Variants in TSPEAR observed in about 807,000 individuals in gnomAD.
TSPEAR encodes thrombospondin-type laminin G domain and EAR repeat-containing protein.
Under a neutral mutation model 71.6 loss-of-function variants are expected in TSPEAR, and 69 were observed. The observed-to-expected ratio is 0.96, with a 90% CI of 0.79 to 1.18. The LOEUF (loss-of-function observed/expected upper bound fraction) is 1.18, where lower values mean the gene tolerates loss of function less well. Among genes scored for constraint, TSPEAR ranks in the 50% most tolerant of loss-of-function variants. The pLI is 0.00. For missense variants in TSPEAR, 971 were observed against 894.9 expected (o/e 1.09, Z -1.09); for synonymous variants, 402 against 387.2 (o/e 1.04, Z -0.45).
At position 44,567,982 on chromosome 21, in the gene TSPEAR, C is replaced by T. The variant is rs1435628494; in HGVS notation, c.106G>A (p.Ala36Thr). 5 of 1,547,376 alleles carry T rather than the reference C, an allele frequency of 3.2e-6. No homozygotes were observed. The highest frequency in any genetic ancestry group is 4.4e-6 in the Non-Finnish European group (5 of 1,141,800). ...CTDLRPLDIL[A>T]EVVPSDGATS... ...GCGCCATCAGAAGGGACCACTTCCG[C>T]CAGGATGTCCAGGGGGCGCAGGTCT... The change falls in exon 2 of 12, where the codon GCG (alanine) becomes ACG (threonine). Residue 36 changes from alanine to threonine, a missense_variant. By Grantham distance (58) the Ala-to-Thr change is moderately conservative (BLOSUM62 0). Transcript: ENST00000323084.
chr21:44,683,058 C>T (rs1986686658), intron 1 of TSPEAR, among the ~76,000 whole-genome samples: 1 of 151,998 alleles, frequency 6.6e-6, no homozygotes, highest in African/African-American at 2.4e-5. Context: ...CAGCCGAGAC[C>T]CCCTACAGCC....
chr21:44,575,039 C>G (rs1431258329), intron 1 of TSPEAR: 2 of 1,578,350 alleles, frequency 1.3e-6, no homozygotes, highest in African/African-American at 2.7e-5. Context: ...GGACACGCCC[C>G]CCAGTGCCAG....
rs147543723 is a variant in TSPEAR at position 44,573,434 on chromosome 21, G to A, written c.83-5429C>T. On this transcript the variant is annotated intron_variant, in intron 1 of 11. Coordinates refer to ENST00000323084, the MANE Select transcript of TSPEAR (RefSeq NM_144991.3). ...ACACGTGGACCATGCCACCCTCCAC[G>A]TGCGCCTGGGGAGCAAAGCAGCACA... Among the ~76,000 whole-genome samples, 111 of 152,168 alleles carry A rather than the reference G, an allele frequency of 7.3e-4. 1 individual carries two copies. The East Asian group carries it at 0.017, about 23-fold the overall frequency.
intron 1 of TSPEAR, among the ~76,000 whole-genome samples, chr21:44,662,846 G>A (rs1226340229): frequency 7.9e-5 from 12 of 152,016 alleles, no homozygotes; most frequent in Non-Finnish European, 1.2e-4. Context: ...TAAAGTAACC[G>A]ACACACTTCT....
At chr21:44,574,705 G>A (rs782062804) in intron 1 of TSPEAR, 1 of 1,592,610 alleles carries the variant, frequency 6.3e-7, no homozygotes, top group African/African-American at 1.4e-5. Flanking sequence ...AGCCAGCAGG[G>A]CTGCTGCGTG....
chr21:44,509,772 G>T, intron 9 of TSPEAR: 1 of 244,396 alleles, frequency 4.1e-6, no homozygotes, highest in Non-Finnish European at 8.1e-6. Flanking sequence ...TGCCCCTAGC[G>T]ACCATCTGTG....
Position 44,602,572 on chromosome 21 carries a change from C to T in TSPEAR, c.83-34567G>A, listed in dbSNP as rs185488101. 1.9e-3 allele frequency among the ~76,000 whole-genome samples: 282 copies of T among 152,346 alleles called. 1 individual carries two copies. Among genetic ancestry groups the T allele is most frequent in the Middle Eastern group, 6.8e-3 (2 of 294 alleles). ...ACTGGGATTTCCGAGGGGCTCCCCC[C>T]GGCCCCGCCTCACTGGGCCTGAGCT... is the stretch of plus-strand genomic sequence containing the variant. On this transcript the variant is annotated intron_variant, in intron 1 of 11. Transcript: ENST00000323084.
In TSPEAR at chr21:44,711,040, T is replaced by A. The variant is rs1555953495; in HGVS notation, c.82+393A>T. On this transcript the variant is annotated intron_variant, in intron 1 of 11. Transcript: ENST00000323084. The surrounding 1 kb of genome is among the most constrained non-coding windows in gnomAD (Gnocchi z 4.5). ...GCAGGCTGGGGGCACCTCCACCAGC[T>A]AAGGAAATGGCTCGTGCACAGTAGC... Among the ~76,000 whole-genome samples, 1 of 152,176 alleles carries A rather than the reference T, an allele frequency of 6.6e-6. No individual in the cohort carries two copies. Among genetic ancestry groups the A allele is most frequent in the Non-Finnish European group, 1.5e-5 (1 of 68,004 alleles).
chr21:44,589,298 C>T (rs587721414), intron 1 of TSPEAR, among the ~76,000 whole-genome samples: 63 of 152,312 alleles, frequency 4.1e-4, no homozygotes, highest in African/African-American at 1.3e-3. Flanking sequence ...ATATTCCCCA[C>T]GGGAATGGGC....
chr21:44,515,908 T>C (rs2052551840), intron 9 of TSPEAR: 1 of 152,236 alleles, frequency 6.6e-6, no homozygotes, highest in Non-Finnish European at 1.5e-5. Context: ...CCCACCATGG[T>C]GTGAGGCGTC....
rs1601308615 is a variant in TSPEAR at position 44,499,908 on chromosome 21, C to A, written c.1885G>T (p.Val629Leu). The change falls in exon 12 of 12, where the codon GTG (valine) becomes TTG (leucine). Residue 629 changes from valine (V) to leucine (L), a missense_variant. Coordinates refer to ENST00000323084, the MANE Select transcript of TSPEAR (RefSeq NM_144991.3). ...RWQGYEGFVA[V>L]HSLPTVGCRD... ...CAGCCGACGGTGGGGAGGCTGTGCA[C>A]CGCCACGAAGCCCTCGTAGCCCTGC... is the stretch of plus-strand genomic sequence containing the variant. The A allele has an allele frequency of 1.2e-6, 2 of 1,608,202 alleles. No homozygotes were observed. Among genetic ancestry groups the A allele is most frequent in the Non-Finnish European group, 1.7e-6 (2 of 1,178,294 alleles).
intron 1 of TSPEAR, among the ~76,000 whole-genome samples, chr21:44,653,050 C>T (rs59256622): frequency 6.6e-6 from 1 of 151,902 alleles, no homozygotes; most frequent in African/African-American, 2.4e-5. Context: ...CCCAGATACT[C>T]GGGAGGCTGA....
chr21:44,707,908 C>T (rs1338077452), intron 1 of TSPEAR, among the ~76,000 whole-genome samples: 2 of 152,002 alleles, frequency 1.3e-5, no homozygotes, highest in African/African-American at 4.8e-5. Context: ...GTCCCTCAGC[C>T]TCGGTCCCCC....
intron 2 of TSPEAR, among the ~76,000 whole-genome samples, chr21:44,540,372 G>C (rs997277036): frequency 1.3e-5 from 2 of 152,096 alleles, no homozygotes; most frequent in Non-Finnish European, 2.9e-5. Context: ...CCTGTGATGT[G>C]GCCCAGGTCA....
At chr21:44,518,199 TTC>T (rs1463288020) in intron 9 of TSPEAR, 3 of 402,738 alleles carry the variant, frequency 7.4e-6, no homozygotes, top group African/African-American at 4.2e-5. Context: ...AAAAATTCCT[TTC>T]TGTTTCTAGA....
chr21:44,631,555 T>C (rs1456132298), intron 1 of TSPEAR, among the ~76,000 whole-genome samples: 1 of 151,986 alleles, frequency 6.6e-6, no homozygotes, highest in Non-Finnish European at 1.5e-5. Context: ...CTGTCTCTAC[T>C]AAAAATAAAA....
chr21:44,590,444 G>T (rs587734535), intron 1 of TSPEAR, among the ~76,000 whole-genome samples: 3 of 152,218 alleles, frequency 2.0e-5, no homozygotes, highest in Admixed American at 1.3e-4. Flanking sequence ...AGGCGAGGCC[G>T]CATGGGGCAG....
In TSPEAR at chr21:44,533,744, G is replaced by A; in HGVS notation, c.483C>T (p.Val161=). 6.2e-7 allele frequency: 1 copy of A among 1,612,440 alleles called. No homozygotes were observed. The highest frequency in any genetic ancestry group is 8.5e-7 in the Non-Finnish European group (1 of 1,179,872). The change falls in exon 3 of 12, where the codon GTC becomes GTT. Residue 161 remains valine (V), a synonymous_variant. Coordinates refer to ENST00000323084, the MANE Select transcript of TSPEAR (RefSeq NM_144991.3). ...ALVDGRWHTL[V]LAVSAGVFSL... is the part of the protein sequence containing the mutation. ...AGAAGACGCCTGCGGACACAGCCAG[G>A]ACCAGTGTGTGCCAGCGGCCATCCA... is the stretch of plus-strand genomic sequence containing the variant.
intron 2 of TSPEAR, chr21:44,551,462 G>A (rs2146033254): frequency 6.2e-7 from 1 of 1,602,930 alleles, no homozygotes; most frequent in East Asian, 2.2e-5. Flanking sequence ...CGGCCATGCT[G>A]GAGTGGGGAG....
Sources: gnomAD v4.1 joint callset for allele counts (sites outside exome capture counted in the v4.1 genomes callset) on GRCh38, gnomAD v4.1.1 for gene constraint, Gnocchi (gnomAD v3.1) non-coding constraint, MANE v1.5 for transcripts, NCBI Gene and HGNC (gene_info 2026-07-23, HGNC 2026-07-21) for gene names.